Variants in TRAPPC8 observed in about 807,000 individuals in gnomAD.
The protein encoded by TRAPPC8 is general sporulation gene 1 homolog.
Under a neutral mutation model 174.3 loss-of-function variants are expected in TRAPPC8, and 54 were observed. The observed-to-expected ratio is 0.31, with a 90% CI of 0.25 to 0.39. TRAPPC8 has a LOEUF of 0.39. Ranked by LOEUF, TRAPPC8 falls within the 10% of genes least tolerant of loss-of-function variation. The pLI, the probability that TRAPPC8 is intolerant of heterozygous loss-of-function variation, is 1.00. For synonymous variants in TRAPPC8, 630 were observed against 579.9 expected (o/e 1.09, Z -1.24); for missense variants, 1,531 against 1,699.1 (o/e 0.90, Z 1.74).
chr18:31,897,973 A>T, intron 10 of TRAPPC8, 82 bp from the exon 11 acceptor site: 1 of 1,245,370 alleles, frequency 8.0e-7, no homozygotes, highest in Non-Finnish European at 1.1e-6. Context: ...AAAAGATTCC[A>T]ATTACAGTTT....
chr18:31,847,513 A>G (rs987781578), intron 25 of TRAPPC8, among the ~76,000 whole-genome samples: 1 of 152,228 alleles, frequency 6.6e-6, no homozygotes, highest in Non-Finnish European at 1.5e-5. Context: ...CAAAAAACAT[A>G]AAATTACTCA....
intron 5 of TRAPPC8, among the ~76,000 whole-genome samples, chr18:31,912,656 G>A (rs981858943): frequency 1.2e-4 from 18 of 151,564 alleles, no homozygotes; most frequent in African/African-American, 4.4e-4. Flanking sequence ...GCAACACTCT[G>A]TTTCAAAAAA....
chr18:31,942,800 G>A lies in TRAPPC8; in HGVS notation c.-36C>T. 2 of 1,351,834 alleles carry A rather than the reference G, an allele frequency of 1.5e-6. No individual in the cohort carries two copies. Among genetic ancestry groups the A allele is most frequent in the South Asian group, 1.8e-5 (1 of 54,436 alleles). 83.7% of individuals were successfully genotyped at this position (1,351,834 alleles called of 1,614,324 possible). Reference sequence around the variant, plus strand: ...CAGGCAGCGGCGGCGCCCGCCCTCCGGCCCACCCTGCGAGGTTATCCTGCG... The same window carrying A: ...CAGGCAGCGGCGGCGCCCGCCCTCCAGCCCACCCTGCGAGGTTATCCTGCG... On this transcript the variant is annotated 5_prime_UTR_variant, in exon 1 of 29. Transcript: ENST00000283351.
At chr18:31,938,461 C>T (rs1290198354) in intron 1 of TRAPPC8, among the ~76,000 whole-genome samples, 2 of 152,068 alleles carry the variant, frequency 1.3e-5, no homozygotes, top group African/African-American at 4.8e-5. Context: ...TACATCAAGT[C>T]TAAACTGTAT....
rs2037849181 is a variant in TRAPPC8 at position 31,931,614 on chromosome 18, T to C, written c.158-91A>G. The C allele has an allele frequency of 1.4e-5, 14 of 1,004,070 alleles. No individual in the cohort carries two copies. In the South Asian group the frequency reaches 2.7e-4, roughly 19 times the overall value. The allele number at this position is 1,004,070 out of a possible 1,614,324, so 62.2% of individuals were successfully genotyped here. On this transcript the variant is annotated intron_variant, in intron 1 of 28. Coordinates refer to ENST00000283351, the MANE Select transcript of TRAPPC8 (RefSeq NM_014939.5). ...GCTGATGGTTTACAAACAAAAAGGA[T>C]GTACAAAGCAGAAGCCAGCAATTCC...
At chr18:31,920,258 G>A (rs2037325556) in intron 2 of TRAPPC8, among the ~76,000 whole-genome samples, 1 of 152,180 alleles carries the variant, frequency 6.6e-6, no homozygotes, top group Non-Finnish European at 1.5e-5. Context: ...TTTCATGGTG[G>A]AGGTGGAAAG....
chr18:31,846,476 G>C (rs1203757715), intron 26 of TRAPPC8, among the ~76,000 whole-genome samples: 1 of 152,112 alleles, frequency 6.6e-6, no homozygotes, highest in Non-Finnish European at 1.5e-5. Flanking sequence ...TCAAGAGGCT[G>C]AGGCCAGAGG....
In TRAPPC8 at chr18:31,913,461, TAAGTA is replaced by T; in HGVS notation, c.674_678del (p.Leu225Ter). The T allele has an allele frequency of 6.2e-7, 1 of 1,612,100 alleles. No individual in the cohort carries two copies. The highest frequency in any genetic ancestry group is 8.5e-7 in the Non-Finnish European group (1 of 1,179,612). On this transcript the variant is annotated frameshift_variant, in exon 5 of 29. Coordinates refer to ENST00000283351, the MANE Select transcript of TRAPPC8 (RefSeq NM_014939.5). LOFTEE classifies it high-confidence loss of function. ...CGATTAGATGTTCGAGAATTAATTT[TAAGTA>T]AATAGCAACCCTGAGTTCCATATTT...
chr18:31,932,065 G>A (rs2037869407), intron 1 of TRAPPC8, among the ~76,000 whole-genome samples: 1 of 152,072 alleles, frequency 6.6e-6, no homozygotes, highest in African/African-American at 2.4e-5. Flanking sequence ...GAGGTATGTA[G>A]AAACTCTCTG....
intron 16 of TRAPPC8, among the ~76,000 whole-genome samples, chr18:31,869,828 C>G (rs954214281): frequency 6.6e-6 from 1 of 152,326 alleles, no homozygotes; most frequent in Non-Finnish European, 1.5e-5. Context: ...GTGGCTCATG[C>G]CTGTAATCCC....
chr18:31,913,588 TA>T (rs1239080690), intron 4 of TRAPPC8, 66 bp from the exon 5 acceptor site: 2 of 1,225,318 alleles, frequency 1.6e-6, no homozygotes, highest in Non-Finnish European at 2.2e-6. Flanking sequence ...TAATAGAGAC[TA>T]AAGTAGTACA....
chr18:31,833,711 T>C (rs1015579594), intron 27 of TRAPPC8, among the ~76,000 whole-genome samples: 2 of 152,096 alleles, frequency 1.3e-5, no homozygotes, highest in Admixed American at 6.5e-5. Context: ...GGCCCAAACA[T>C]TGCATTCCTA....
intron 11 of TRAPPC8, among the ~76,000 whole-genome samples, chr18:31,896,710 C>CCA (rs1368830994): frequency 1.3e-5 from 2 of 152,120 alleles, no homozygotes; most frequent in Admixed American, 1.3e-4. Context: ...ACTGCAACCT[C>CCA]CACCTTGTGC....
chr18:31,898,123 A>G (rs953746361), intron 10 of TRAPPC8, among the ~76,000 whole-genome samples: 3 of 152,046 alleles, frequency 2.0e-5, no homozygotes, highest in Non-Finnish European at 1.5e-5. Flanking sequence ...AATAATCTCT[A>G]TATTACTTAT....
At chr18:31,935,077 G>A (rs1204585847) in intron 1 of TRAPPC8, among the ~76,000 whole-genome samples, 2 of 151,934 alleles carry the variant, frequency 1.3e-5, no homozygotes, top group East Asian at 3.9e-4. Context: ...GGGCGTGATG[G>A]CTCATGCCTG....
chr18:31,836,757 T>TG (rs2032749112), intron 27 of TRAPPC8, among the ~76,000 whole-genome samples: 2 of 123,970 alleles, frequency 1.6e-5, no homozygotes, highest in African/African-American at 3.3e-5. Flanking sequence ...CATCTTTCAG[T>TG]CTTTTTTTTT....
chr18:31,937,991 T>C (rs2144317342), intron 1 of TRAPPC8, among the ~76,000 whole-genome samples: 1 of 152,280 alleles, frequency 6.6e-6, no homozygotes, highest in East Asian at 1.9e-4. Context: ...CCTAAGACAC[T>C]GCACCTGGCC....
chr18:31,852,442 A>C lies in TRAPPC8; in HGVS notation c.3561+4T>G, dbSNP rs1355720982. The C allele has an allele frequency of 1.9e-6, 3 of 1,613,924 alleles. No homozygotes were observed. Among genetic ancestry groups the C allele is most frequent in the African/African-American group, 1.3e-5 (1 of 74,944 alleles). Reference sequence around the variant, plus strand: ...ATCAAACACTACTATGCTTACTTGCATACCTGTTCATTTCCAAAGATGATA... The same window carrying C: ...ATCAAACACTACTATGCTTACTTGCCTACCTGTTCATTTCCAAAGATGATA... On this transcript the variant is annotated splice_donor_region_variant and intron_variant, in intron 24 of 28. Coordinates refer to ENST00000283351, the MANE Select transcript of TRAPPC8 (RefSeq NM_014939.5).
intron 5 of TRAPPC8, among the ~76,000 whole-genome samples, chr18:31,910,755 G>A (rs1266754242): frequency 6.6e-6 from 1 of 152,174 alleles, no homozygotes; most frequent in Non-Finnish European, 1.5e-5. Context: ...CTCCAACTTT[G>A]AGCTTCTAGG....
Sources: gnomAD v4.1 joint callset for allele counts (sites outside exome capture counted in the v4.1 genomes callset) on GRCh38, gnomAD v4.1.1 for gene constraint, MANE v1.5 for transcripts, NCBI Gene and HGNC (gene_info 2026-07-23, HGNC 2026-07-21) for gene names.